Variants in AMELX observed in about 807,000 individuals in gnomAD.
AMELX encodes amelogenin, X isoform.
AMELX carries 9 observed loss-of-function variants against 15.8 expected under a neutral mutation model. The ratio of observed to expected loss-of-function variants is 0.57; its 90% CI spans 0.34 to 0.99. The LOEUF is 0.99. Ranked by LOEUF, AMELX falls within the 50% of genes least tolerant of loss-of-function variation. The pLI, the probability that AMELX is intolerant of heterozygous loss-of-function variation, is 0.02. For synonymous variants in AMELX, 61 were observed against 58.8 expected (o/e 1.04, Z -0.17); for missense variants, 107 against 156.2 (o/e 0.68, Z 1.68).
intron 2 of AMELX, among the ~76,000 whole-genome samples, chrX:11,295,371 T>G (rs146067760): frequency 4.5e-5 from 5 of 111,468 alleles, no homozygotes; most frequent in African/African-American, 1.6e-4. Flanking sequence ...CCCCACCCCT[T>G]TGGGTACATC....
chrX:11,298,359 AC>A, intron 4 of AMELX, 82 bp downstream of exon 4: 1 of 1,104,870 alleles, frequency 9.1e-7, no homozygotes, highest in Non-Finnish European at 1.3e-6. Flanking sequence ...TATCATGTCT[AC>A]TCCACATGCA....
Position 11,298,952 on chromosome X carries a change from C to T in AMELX, c.549C>T (p.Asp183=). The T allele has an allele frequency of 1.7e-6, 2 of 1,210,619 alleles. No homozygotes were observed. The highest frequency in any genetic ancestry group is 2.2e-6 in the Non-Finnish European group (2 of 895,096). Residue 183 remains aspartate (D), a synonymous_variant, in exon 5 of 6, where the codon GAC becomes GAT. Coordinates refer to ENST00000380714, the MANE Select transcript of AMELX (RefSeq NM_001142.2). ...CTCTGGAAGCTTGGCCATCAACAGA[C>T]AAGACCAAGCGGGAGGAAGTGGTGA... ...DLTLEAWPST[D]KTKREEVD
At chrX:11,296,880 G>A in intron 3 of AMELX, 54 bp downstream of exon 3, 1 of 1,155,907 alleles carries the variant, frequency 8.7e-7, no homozygotes, top group Non-Finnish European at 1.2e-6. Context: ...AATGCCCTGG[G>A]CTCTGTAAAG....
chrX:11,294,558 C>T, intron 1 of AMELX, among the ~76,000 whole-genome samples: 1 of 112,068 alleles, frequency 8.9e-6, no homozygotes, highest in Non-Finnish European at 1.9e-5. Context: ...GTTTAGCCCT[C>T]AACCTAAATT....
chrX:11,297,553 T>C (rs2048107547), intron 3 of AMELX, among the ~76,000 whole-genome samples: 1 of 112,585 alleles, frequency 8.9e-6, no homozygotes, highest in Non-Finnish European at 1.9e-5. Flanking sequence ...GCCGTATTAC[T>C]ATATGAAGAA....
chrX:11,299,899 T>G (rs1010840835), intron 5 of AMELX, among the ~76,000 whole-genome samples: 1 of 111,914 alleles, frequency 8.9e-6, no homozygotes, highest in Non-Finnish European at 1.9e-5. Flanking sequence ...TTCTTTTAAA[T>G]GGGGGAAAAT....
chrX:11,304,649 T>C (rs747950710), downstream of AMELX, among the ~76,000 whole-genome samples: 173 of 109,728 alleles, frequency 1.6e-3, no homozygotes, highest in Middle Eastern at 0.019. Flanking sequence ...ATGTCTTCCT[T>C]TTACCTTCTT....
chrX:11,294,840 C>A lies in AMELX; in HGVS notation c.52C>A (p.Pro18Thr). The A allele has an allele frequency of 8.3e-7, 1 of 1,211,042 alleles. No individual in the cohort carries two copies. The highest frequency in any genetic ancestry group is 1.1e-6 in the Non-Finnish European group (1 of 894,932). The change falls in exon 2 of 6, where the codon CCT (proline) becomes ACT (threonine). Residue 18 changes from proline to threonine, a missense_variant and splice_region_variant. Pro to Thr is a conservative substitution (Grantham distance 38). Transcript: ENST00000380714. ...ACLLGAAFAM[P>T]LPPHPGHPGY... ...CCTCCTGGGAGCAGCTTTTGCCATG[C>A]CTGTGAGTAAAACACCCCTTGCATA... is the stretch of plus-strand genomic sequence containing the variant.
downstream of AMELX, among the ~76,000 whole-genome samples, chrX:11,303,586 T>TTC (rs2048198007): frequency 8.9e-6 from 1 of 112,334 alleles, no homozygotes; most frequent in South Asian, 3.7e-4. Context: ...TTCACTTTAC[T>TTC]ATTAATTTTA....
At chrX:11,306,407 T>C in the AMELX span, among the ~76,000 whole-genome samples, 1 of 112,901 alleles carries the variant, frequency 8.9e-6, no homozygotes, top group Non-Finnish European at 1.9e-5. Flanking sequence ...ATCTGCTCAA[T>C]GAGCCATCAT....
At chrX:11,301,557 T>A (rs142872625), downstream of AMELX, among the ~76,000 whole-genome samples, 1 of 112,198 alleles carries the variant, frequency 8.9e-6, no homozygotes, top group African/African-American at 3.2e-5. Flanking sequence ...TTAATCATTT[T>A]CTGGAATGAA....
downstream of AMELX, among the ~76,000 whole-genome samples, chrX:11,303,099 C>T (rs780051124): frequency 1.8e-5 from 2 of 112,559 alleles, no homozygotes; most frequent in East Asian, 2.8e-4. Flanking sequence ...AAGAGAAAAA[C>T]GACTTCAACC....
At position 11,296,514 on chromosome X, in the gene AMELX, G is replaced by A. The variant is rs5979395; in HGVS notation, c.55-265G>A. Among the ~76,000 whole-genome samples, 22,783 of 110,964 alleles carry A rather than the reference G, an allele frequency of 0.21. 1,802 individuals carry two copies. The highest frequency in any genetic ancestry group is 0.32 in the Middle Eastern group (67 of 212). ...GCTGGTTTCTGCTTCCAGGTCTCCA[G>A]CCATAAGGCTATAACCCCAGGAACA... On this transcript the variant is annotated intron_variant, in intron 2 of 5. Coordinates refer to ENST00000380714, the MANE Select transcript of AMELX (RefSeq NM_001142.2).
chrX:11,302,690 C>T (rs1250849800), downstream of AMELX, among the ~76,000 whole-genome samples: 1 of 111,270 alleles, frequency 9.0e-6, no homozygotes, highest in Non-Finnish European at 1.9e-5. Context: ...CATGTGGAGA[C>T]ATGTGCCATT....
intron 2 of AMELX, 64 bp downstream of exon 2, chrX:11,294,906 C>T (rs1603031438): frequency 1.4e-5 from 16 of 1,132,499 alleles, no homozygotes; most frequent in African/African-American, 7.1e-5. Context: ...TAAAAATCTG[C>T]TCATAGTTGG....
the AMELX span, among the ~76,000 whole-genome samples, chrX:11,308,748 A>G: frequency 8.9e-6 from 1 of 112,160 alleles, no homozygotes; most frequent in Non-Finnish European, 1.9e-5. Flanking sequence ...ACTGGACTGG[A>G]ACAGTAACAT....
chrX:11,296,881 C>G (rs940032272), intron 3 of AMELX, 55 bp downstream of exon 3: 2 of 1,153,989 alleles, frequency 1.7e-6, no homozygotes, highest in African/African-American at 3.6e-5. Flanking sequence ...ATGCCCTGGG[C>G]TCTGTAAAGA....
intron 5 of AMELX, among the ~76,000 whole-genome samples, 173 bp from the exon 6 acceptor site, chrX:11,300,434 A>G (rs935201154): frequency 1.8e-5 from 2 of 111,925 alleles, no homozygotes; most frequent in African/African-American, 6.5e-5. Flanking sequence ...GTCCTCATGG[A>G]CACCTAATAT....
chrX:11,298,205 C>G, intron 3 of AMELX, 31 bp from the exon 4 acceptor site: 1 of 1,210,465 alleles, frequency 8.3e-7, no homozygotes, highest in Non-Finnish European at 1.1e-6. Context: ...TAAATTAAAT[C>G]AAATGGGTTC....
Sources: allele counts gnomAD v4.1 joint callset (sites outside exome capture counted in the v4.1 genomes callset), GRCh38; gene constraint gnomAD v4.1.1; transcripts MANE v1.5; gene names NCBI Gene and HGNC (gene_info 2026-07-23, HGNC 2026-07-21).